The following CCDC171 variants were observed in gnomAD, a reference collection of about 807,000 sequenced individuals.
CCDC171 encodes coiled-coil domain containing 171.
In CCDC171, 177 loss-of-function variants were observed where a neutral mutation model predicts 168.2. The observed-to-expected ratio is 1.05, with a 90% CI of 0.93 to 1.19. CCDC171 has a LOEUF of 1.19. Among genes scored for constraint, CCDC171 ranks in the 50% most tolerant of loss-of-function variants. The pLI is 0.00. For missense variants in CCDC171, 1,991 were observed against 1,539.0 expected, an observed-to-expected ratio of 1.29 and a Z score of -4.91; for synonymous variants, 687 against 540.8, an observed-to-expected ratio of 1.27 and a Z score of -3.75.
intron 25 of CCDC171, among the ~76,000 whole-genome samples, chr9:15,939,820 T>C (rs1035217188): frequency 9.2e-5 from 14 of 152,064 alleles, no homozygotes; most frequent in African/African-American, 3.1e-4. Flanking sequence ...TAAGTAGTTA[T>C]TTGAGACACC....
chr9:15,690,458 G>A (rs1463456533), intron 10 of CCDC171, among the ~76,000 whole-genome samples: 1 of 152,002 alleles, frequency 6.6e-6, no homozygotes, highest in African/African-American at 2.4e-5. Context: ...CTCACAAATA[G>A]TTTTTAGACA....
chr9:15,637,444 C>G (rs532674814), intron 7 of CCDC171, among the ~76,000 whole-genome samples: 1 of 151,324 alleles, frequency 6.6e-6, no homozygotes, highest in Non-Finnish European at 1.5e-5. Context: ...TTTATTTTTA[C>G]TTTTTAAAAT....
At chr9:15,576,781 C>G (rs1048918820) in intron 3 of CCDC171, among the ~76,000 whole-genome samples, 2 of 152,328 alleles carry the variant, frequency 1.3e-5, no homozygotes, top group Admixed American at 6.5e-5. Flanking sequence ...TTCAGTTCTT[C>G]TGCTATATAA....
intron 24 of CCDC171, among the ~76,000 whole-genome samples, chr9:15,918,923 A>G (rs1824929279): frequency 6.6e-6 from 1 of 151,612 alleles, no homozygotes; most frequent in African/African-American, 2.4e-5. Flanking sequence ...TTCATTCTTC[A>G]AAGCAGTCAT....
intron 3 of CCDC171, among the ~76,000 whole-genome samples, chr9:15,572,948 C>T (rs938465367): frequency 3.0e-4 from 46 of 152,170 alleles, no homozygotes; most frequent in African/African-American, 8.7e-4. Context: ...CACTTGAAGT[C>T]AGGAGTTCGA....
At chr9:15,570,686 T>G (rs910712029) in intron 2 of CCDC171, among the ~76,000 whole-genome samples, 9 of 152,178 alleles carry the variant, frequency 5.9e-5, no homozygotes, top group Non-Finnish European at 1.2e-4. Context: ...GTTGCTTAGG[T>G]TCTGTAGGGA....
intron 7 of CCDC171, among the ~76,000 whole-genome samples, chr9:15,647,781 A>G (rs2047169485): frequency 6.6e-6 from 1 of 152,226 alleles, no homozygotes; most frequent in Non-Finnish European, 1.5e-5. Context: ...AAAAAAGTCC[A>G]GGACCAGACG....
At chr9:16,067,284 C>T in the CCDC171 span, among the ~76,000 whole-genome samples, 1 of 151,718 alleles carries the variant, frequency 6.6e-6, no homozygotes, top group Non-Finnish European at 1.5e-5. Context: ...CTGTTCATGT[C>T]CTCCGCCCAC....
the CCDC171 span, among the ~76,000 whole-genome samples, chr9:16,076,772 T>C: frequency 2.0e-5 from 3 of 152,214 alleles, no homozygotes; most frequent in African/African-American, 7.2e-5. Flanking sequence ...TCCACTCTGG[T>C]TAATGGCTCT....
At chr9:15,762,476 T>A (rs915950601) in intron 18 of CCDC171, among the ~76,000 whole-genome samples, 1 of 152,162 alleles carries the variant, frequency 6.6e-6, no homozygotes, top group African/African-American at 2.4e-5. Flanking sequence ...GTCTGAGGAT[T>A]CAGTTGCCAA....
chr9:15,847,984 A>T (rs960727044), intron 22 of CCDC171, among the ~76,000 whole-genome samples: 6 of 152,064 alleles, frequency 3.9e-5, no homozygotes, highest in African/African-American at 1.4e-4. Context: ...TATAAGTTTG[A>T]CTAAATCAGT....
At chr9:15,625,159 G>C (rs1428776762) in intron 7 of CCDC171, among the ~76,000 whole-genome samples, 5 of 152,002 alleles carry the variant, frequency 3.3e-5, no homozygotes, top group African/African-American at 1.2e-4. Flanking sequence ...TTTTTGATGG[G>C]GTTGTTTGAT....
At chr9:16,090,268 C>A in the CCDC171 span, among the ~76,000 whole-genome samples, 1 of 152,108 alleles carries the variant, frequency 6.6e-6, no homozygotes, top group African/African-American at 2.4e-5. Flanking sequence ...ATGTCCTTTG[C>A]AGGGACATAA....
At chr9:16,077,633 A>G in the CCDC171 span, among the ~76,000 whole-genome samples, 1 of 152,282 alleles carries the variant, frequency 6.6e-6, no homozygotes, top group Non-Finnish European at 1.5e-5. Context: ...GGTTGGAGCC[A>G]ACCTCAGCTT....
chr9:15,665,617 C>CA (rs2048679782), intron 8 of CCDC171, among the ~76,000 whole-genome samples: 1 of 152,032 alleles, frequency 6.6e-6, no homozygotes, highest in Admixed American at 6.6e-5. Context: ...CCTATCTCTA[C>CA]AAAAAATAAA....
rs572162701 is a variant in CCDC171 at position 15,966,276 on chromosome 9, A to T, written c.3754-5333A>T. 4.6e-5 allele frequency among the ~76,000 whole-genome samples: 7 copies of T among 152,350 alleles called. No homozygotes were observed. The South Asian group carries it at 1.2e-3, about 27-fold the overall frequency. ...ACCTTGACCAGAGTTTGAAACGTGG[A>T]GGACTCACCCAACAAAGAGCAGAAT... On this transcript the variant is annotated intron_variant, in intron 25 of 25. Transcript: ENST00000380701.
At chr9:16,029,657 A>T (rs905429105) in intron 6 of CCDC171, among the ~76,000 whole-genome samples, 1 of 152,230 alleles carries the variant, frequency 6.6e-6, no homozygotes, top group African/African-American at 2.4e-5. Context: ...AAGGGCCTGA[A>T]GTATAGTTGA....
chr9:16,063,966 T>G (rs1833964385), downstream of CCDC171, among the ~76,000 whole-genome samples: 2 of 152,228 alleles, frequency 1.3e-5, no homozygotes, highest in South Asian at 4.1e-4. Context: ...GAGCAAGTCT[T>G]GCTGGAGACA....
At chr9:15,797,249 C>G (rs1480754695) in intron 21 of CCDC171, among the ~76,000 whole-genome samples, 1 of 152,090 alleles carries the variant, frequency 6.6e-6, no homozygotes, top group Non-Finnish European at 1.5e-5. Flanking sequence ...CAAGGTCTCC[C>G]TTTGTCACTC....
Sources: gnomAD v4.1 joint callset for allele counts (sites outside exome capture counted in the v4.1 genomes callset) on GRCh38, gnomAD v4.1.1 for gene constraint, MANE v1.5 for transcripts, NCBI Gene and HGNC (gene_info 2026-07-23, HGNC 2026-07-21) for gene names.